WDR7: variants seen among roughly 807,000 people sequenced by gnomAD.
WDR7 encodes the protein WD repeat domain 7, also known as WD repeat-containing protein 7.
Under a neutral mutation model 169.4 loss-of-function variants are expected in WDR7, and 46 were observed. That is an observed-to-expected ratio of 0.27 (90% CI 0.21 to 0.35). The LOEUF is 0.35. Among genes scored for constraint, WDR7 ranks in the 10% least tolerant of loss-of-function variants. The pLI is 1.00. For missense variants in WDR7, 1,534 were observed against 1,859.3 expected (o/e 0.83, Z 3.22); for synonymous variants, 612 against 666.8 (o/e 0.92, Z 1.27).
intron 26 of WDR7, among the ~76,000 whole-genome samples, chr18:56,995,358 A>G (rs1274904427): frequency 1.3e-5 from 2 of 152,198 alleles, no homozygotes; most frequent in Non-Finnish European, 2.9e-5. Flanking sequence ...TCATTTAAGC[A>G]TGGTATAAAT....
Position 56,691,212 on chromosome 18 carries a change from G to T in WDR7, c.718-4G>T, listed in dbSNP as rs758620756. On this transcript the variant is annotated splice_region_variant and splice_polypyrimidine_tract_variant and intron_variant, in intron 7 of 27. Coordinates refer to ENST00000254442, the MANE Select transcript of WDR7 (RefSeq NM_015285.3). ...TAGATTGTGAATTTCTTTCTTCCTT[G>T]CAGGTGTTCGATGCCGGAGACTATT... The T allele has an allele frequency of 5.0e-6, 8 of 1,601,058 alleles. No homozygotes were observed. Among genetic ancestry groups the T allele is most frequent in the Middle Eastern group, 1.7e-4 (1 of 6,042 alleles).
chr18:56,793,818 G>T (rs868489647), intron 19 of WDR7, among the ~76,000 whole-genome samples: 1 of 152,092 alleles, frequency 6.6e-6, no homozygotes, highest in African/African-American at 2.4e-5. Context: ...TTTAGAAAGC[G>T]GGCTTACATC....
intron 14 of WDR7, among the ~76,000 whole-genome samples, chr18:56,743,160 C>T (rs528760232): frequency 2.0e-5 from 3 of 152,030 alleles, no homozygotes; most frequent in Non-Finnish European, 2.9e-5. Flanking sequence ...AGCTCTATCA[C>T]GTGTGATATC....
At chr18:56,710,859 A>T (rs1337397184) in intron 12 of WDR7, among the ~76,000 whole-genome samples, 1 of 152,204 alleles carries the variant, frequency 6.6e-6, no homozygotes, top group East Asian at 1.9e-4. Context: ...AGCAGTTGGA[A>T]CATGCCTAGC....
At chr18:56,747,531 G>C (rs900351017) in intron 14 of WDR7, among the ~76,000 whole-genome samples, 1 of 152,122 alleles carries the variant, frequency 6.6e-6, no homozygotes, top group African/African-American at 2.4e-5. Flanking sequence ...CCCTGGCATT[G>C]GGGAGTTCCT....
intron 9 of WDR7, 104 bp from the exon 10 acceptor site, chr18:56,694,515 G>A: frequency 8.7e-7 from 1 of 1,144,952 alleles, no homozygotes; most frequent in Non-Finnish European, 1.2e-6. Flanking sequence ...TTTCAACTTG[G>A]CTACTGGGAC....
chr18:56,971,428 C>T (rs115968862), intron 26 of WDR7, among the ~76,000 whole-genome samples: 1,636 of 151,986 alleles, frequency 0.011, 18 homozygotes, highest in African/African-American at 0.035. Context: ...CTCTTATGTG[C>T]GCCAGACACT....
At chr18:56,833,975 G>C (rs1006080432) in intron 20 of WDR7, among the ~76,000 whole-genome samples, 4 of 152,130 alleles carry the variant, frequency 2.6e-5, no homozygotes, top group African/African-American at 9.7e-5. Flanking sequence ...GACACAAAAG[G>C]CTTCAGTCAA....
At chr18:56,767,295 G>A (rs1385877927) in intron 16 of WDR7, among the ~76,000 whole-genome samples, 1 of 152,168 alleles carries the variant, frequency 6.6e-6, no homozygotes, top group Non-Finnish European at 1.5e-5. Context: ...ACTTGAGGGA[G>A]ATCCTCTGAA....
chr18:56,938,802 A>T (rs1459825591), intron 24 of WDR7, 120 bp downstream of exon 24: 2 of 1,002,946 alleles, frequency 2.0e-6, no homozygotes, highest in Non-Finnish European at 2.9e-6. Context: ...TGAGAGAGAA[A>T]GAATGAGTGT....
chr18:56,673,252 T>A (rs2025174479), intron 2 of WDR7, among the ~76,000 whole-genome samples: 2 of 152,114 alleles, frequency 1.3e-5, no homozygotes, highest in Admixed American at 6.6e-5. Context: ...CTCCTTTCCA[T>A]ATTTGTAACT....
chr18:56,686,942 T>A lies in WDR7; in HGVS notation c.685T>A (p.Ser229Thr), dbSNP rs1337642370. The A allele has an allele frequency of 2.5e-6, 4 of 1,611,098 alleles. No individual in the cohort carries two copies. In the South Asian group the frequency reaches 3.3e-5, roughly 13 times the overall value. ...SISFCAFTQRSLLVVCSKYWR... is the reference protein window; with the variant it reads ...SISFCAFTQRTLLVVCSKYWR... ...CTCTTTTTGTGCATTTACACAAAGG[T>A]CACTTTTGGTTGTGTGTTCCAAATA... The change falls in exon 7 of 28, where the codon TCA becomes ACA. Residue 229 changes from serine (S) to threonine (T), a missense_variant. Transcript: ENST00000254442.
chr18:56,722,605 CAG>C (rs965499895), intron 13 of WDR7, among the ~76,000 whole-genome samples: 1 of 152,124 alleles, frequency 6.6e-6, no homozygotes, highest in African/African-American at 2.4e-5. Flanking sequence ...CAAGTATAAT[CAG>C]AGAGTTTCTT....
chr18:56,696,790 G>C (rs191183034), intron 12 of WDR7, among the ~76,000 whole-genome samples: 1 of 152,270 alleles, frequency 6.6e-6, no homozygotes, highest in East Asian at 1.9e-4. Flanking sequence ...AAGTATGCCT[G>C]AAGACATTGT....
intron 14 of WDR7, among the ~76,000 whole-genome samples, chr18:56,740,963 T>G (rs1038760304): frequency 1.3e-5 from 2 of 152,162 alleles, no homozygotes; most frequent in African/African-American, 4.8e-5. Flanking sequence ...GTATTCCCAG[T>G]GATGGTCCTA....
intron 22 of WDR7, among the ~76,000 whole-genome samples, chr18:56,932,419 C>T (rs886482120): frequency 6.6e-6 from 1 of 152,222 alleles, no homozygotes; most frequent in Non-Finnish European, 1.5e-5. Flanking sequence ...AAAGCACCAA[C>T]CTTTATCATT....
chr18:56,901,837 G>A (rs550652320), intron 21 of WDR7, among the ~76,000 whole-genome samples: 14 of 152,068 alleles, frequency 9.2e-5, no homozygotes, highest in African/African-American at 2.9e-4. Flanking sequence ...AAATGTTGGA[G>A]TGCCATCCAT....
In WDR7 at chr18:57,027,889, G is replaced by T. The variant is rs2048390232; in HGVS notation, c.*682G>T. On this transcript the variant is annotated 3_prime_UTR_variant, in exon 28 of 28. Transcript: ENST00000254442. ...TTTTCCAGACACTTAGCCTTCTGAA[G>T]TGCTCATCTCTTGCTTAAATGATAG... 1 of 152,246 alleles carries T rather than the reference G, an allele frequency of 6.6e-6. No individual in the cohort carries two copies. The highest frequency in any genetic ancestry group is 2.4e-5 in the African/African-American group (1 of 41,412). The allele number at this position is 152,246 out of a possible 1,614,324, so 9.4% of individuals were successfully genotyped here.
intron 9 of WDR7, among the ~76,000 whole-genome samples, chr18:56,693,909 A>G (rs1007087807): frequency 6.6e-6 from 1 of 151,142 alleles, no homozygotes; most frequent in Non-Finnish European, 1.5e-5. Flanking sequence ...TTGCTGTGTC[A>G]TCCAGGCTGG....
Sources: allele counts gnomAD v4.1 joint callset (sites outside exome capture counted in the v4.1 genomes callset), GRCh38; gene constraint gnomAD v4.1.1; transcripts MANE v1.5; gene names NCBI Gene and HGNC (gene_info 2026-07-23, HGNC 2026-07-21).